Variants in MOV10L1 observed in about 807,000 individuals in gnomAD.
The protein encoded by MOV10L1 is RNA helicase Mov10l1.
In MOV10L1, 110 loss-of-function variants were observed where a neutral mutation model predicts 143.8. The ratio of observed to expected loss-of-function variants is 0.76; its 90% confidence interval spans 0.66 to 0.90. The LOEUF is 0.90. MOV10L1 is among the 40% of genes least tolerant of loss of function. The pLI is 0.00. For missense variants in MOV10L1, 1,406 were observed against 1,526.8 expected (o/e 0.92, Z 1.32); for synonymous variants, 593 against 581.1 (o/e 1.02, Z -0.29).
At chr22:50,097,138 G>T (rs1459535534) in intron 2 of MOV10L1, among the ~76,000 whole-genome samples, 2 of 152,062 alleles carry the variant, frequency 1.3e-5, no homozygotes, top group Non-Finnish European at 2.9e-5. Flanking sequence ...TTTGAGACAG[G>T]ATCTCACTTT....
At chr22:50,156,803 C>T (rs1377905571) in intron 22 of MOV10L1, among the ~76,000 whole-genome samples, 1 of 152,198 alleles carries the variant, frequency 6.6e-6, no homozygotes, top group African/African-American at 2.4e-5. Flanking sequence ...AGACATTTGA[C>T]TATTGTAAGT....
At chr22:50,149,548 T>C in intron 19 of MOV10L1, 67 bp from the exon 20 acceptor site, 1 of 1,502,358 alleles carries the variant, frequency 6.7e-7, no homozygotes, top group Non-Finnish European at 9.1e-7. Context: ...GCTTTGCCAG[T>C]GTGTCAGAGG....
chr22:50,143,502 G>A (rs1235839015), intron 17 of MOV10L1, among the ~76,000 whole-genome samples: 1 of 152,212 alleles, frequency 6.6e-6, no homozygotes, highest in African/African-American at 2.4e-5. Context: ...AGTAGCTACA[G>A]CCACCATTCC....
chr22:50,157,105 GT>G (rs2063446074), intron 22 of MOV10L1, among the ~76,000 whole-genome samples: 2 of 152,160 alleles, frequency 1.3e-5, no homozygotes, highest in South Asian at 4.1e-4. Flanking sequence ...CTAATGATTT[GT>G]GACATTGAGC....
At chr22:50,093,675 A>G (rs1277307053) in intron 2 of MOV10L1, 1 of 152,116 alleles carries the variant, frequency 6.6e-6, no homozygotes, top group East Asian at 1.9e-4. Context: ...TACCTGACTA[A>G]TTTTTAAAAT....
chr22:50,136,191 C>T (rs548062299), intron 15 of MOV10L1, among the ~76,000 whole-genome samples: 1 of 152,064 alleles, frequency 6.6e-6, no homozygotes, highest in South Asian at 2.1e-4. Flanking sequence ...AAGAGTCTTC[C>T]TTGGACAGTG....
At chr22:50,139,005 A>ATTTT (rs59141099) in intron 15 of MOV10L1, among the ~76,000 whole-genome samples, 2 of 144,998 alleles carry the variant, frequency 1.4e-5, no homozygotes, top group South Asian at 2.2e-4. Flanking sequence ...CCAGGCCTGA[A>ATTTT]TTTTTTTTTT....
At chr22:50,126,333 G>A in intron 12 of MOV10L1, 61 bp downstream of exon 12, 1 of 1,314,032 alleles carries the variant, frequency 7.6e-7, no homozygotes, top group South Asian at 1.2e-5. Context: ...GGTTGGAAAG[G>A]TAACGTTCTC....
intron 9 of MOV10L1, among the ~76,000 whole-genome samples, chr22:50,119,665 T>G (rs2062282799): frequency 6.7e-6 from 1 of 149,952 alleles, no homozygotes; most frequent in Admixed American, 6.7e-5. Flanking sequence ...CAAATACACC[T>G]CGCATGTGAG....
chr22:50,111,526 T>C (rs1219063042), intron 5 of MOV10L1, among the ~76,000 whole-genome samples: 2 of 133,682 alleles, frequency 1.5e-5, no homozygotes, highest in Admixed American at 1.7e-4. Flanking sequence ...GACGTTGAGA[T>C]GGAGTCTCGC....
intron 19 of MOV10L1, among the ~76,000 whole-genome samples, chr22:50,146,546 G>A (rs2063157318): frequency 6.6e-6 from 1 of 152,134 alleles, no homozygotes; most frequent in Admixed American, 6.5e-5. Flanking sequence ...ACAGGCTGAG[G>A]GTGAGAGAGG....
At chr22:50,106,532 G>C (rs1029380283) in intron 3 of MOV10L1, among the ~76,000 whole-genome samples, 5 of 151,626 alleles carry the variant, frequency 3.3e-5, no homozygotes, top group African/African-American at 1.2e-4. Context: ...TATAGAACTA[G>C]TACATTAATA....
chr22:50,147,533 G>A (rs370957004), intron 19 of MOV10L1, among the ~76,000 whole-genome samples: 7,890 of 112,462 alleles, frequency 0.07, 211 homozygotes, highest in Non-Finnish European at 0.096. Flanking sequence ...TCTCAGAGGC[G>A]CTCTGTGCAG....
intron 25 of MOV10L1, 36 bp downstream of exon 25, chr22:50,160,861 TAAG>T (rs1273398075): frequency 6.2e-7 from 1 of 1,613,502 alleles, no homozygotes; most frequent in Non-Finnish European, 8.5e-7. Context: ...TGTGATCACT[TAAG>T]GAGGGAGGGT....
intron 15 of MOV10L1, among the ~76,000 whole-genome samples, chr22:50,135,412 A>G (rs2062797183): frequency 6.6e-6 from 1 of 152,124 alleles, no homozygotes; most frequent in Non-Finnish European, 1.5e-5. Flanking sequence ...CACACCCCGC[A>G]AATTGTTAAC....
intron 22 of MOV10L1, among the ~76,000 whole-genome samples, chr22:50,156,835 C>T (rs2063439021): frequency 1.3e-5 from 2 of 152,180 alleles, no homozygotes; most frequent in South Asian, 4.1e-4. Flanking sequence ...AACGGGTGTA[C>T]AGATATCTAT....
chr22:50,145,742 AGCCTCAC>A lies in MOV10L1; in HGVS notation c.2562_2568del (p.Arg856GlyfsTer2). On this transcript the variant is annotated frameshift_variant, in exon 19 of 27. Transcript: ENST00000262794. LOFTEE classifies it high-confidence loss of function. ...GCAGAGACGGAGAAGACATCTGGAAAGCCTCACGCTTCCGGATAATCATCACCACATG... is the reference window on the plus strand; with the variant it reads ...GCAGAGACGGAGAAGACATCTGGAAAGCTTCCGGATAATCATCACCACATG... 1 of 1,614,190 alleles carries A rather than the reference AGCCTCAC, an allele frequency of 6.2e-7. No homozygotes were observed. Among genetic ancestry groups the A allele is most frequent in the Non-Finnish European group, 8.5e-7 (1 of 1,180,028 alleles).
chr22:50,123,398 T>A (rs1022332221), intron 10 of MOV10L1, among the ~76,000 whole-genome samples: 1 of 151,760 alleles, frequency 6.6e-6, no homozygotes, highest in Non-Finnish European at 1.5e-5. Flanking sequence ...AGGGTCTCAC[T>A]GTGTTGCCCA....
At chr22:50,153,843 CAGA>C (rs1188741014) in intron 22 of MOV10L1, among the ~76,000 whole-genome samples, 1 of 152,256 alleles carries the variant, frequency 6.6e-6, no homozygotes, top group Non-Finnish European at 1.5e-5. Context: ...CCCCCTGCCC[CAGA>C]AGAAGGGGCA....
Sources: gnomAD v4.1 joint callset for allele counts (sites outside exome capture counted in the v4.1 genomes callset) on GRCh38, gnomAD v4.1.1 for gene constraint, MANE v1.5 for transcripts, NCBI Gene and HGNC (gene_info 2026-07-23, HGNC 2026-07-21) for gene names.